Variants in ACOT7 observed in about 807,000 individuals in gnomAD.
ACOT7 encodes acyl-CoA thioesterase 7.
ACOT7 carries 12 observed loss-of-function variants against 40.2 expected under a neutral mutation model. The observed-to-expected ratio is 0.30, with a 90% CI of 0.19 to 0.48. The LOEUF is 0.48. Ranked by LOEUF, ACOT7 falls within the 20% of genes least tolerant of loss-of-function variation. The pLI, the probability that ACOT7 is intolerant of heterozygous loss-of-function variation, is 0.99. For synonymous variants in ACOT7, 228 were observed against 219.5 expected (o/e 1.04, Z -0.34); for missense variants, 395 against 530.8 (o/e 0.74, Z 2.51).
chr1:6,375,132 C>CCGGGCGTGGTGGCGGG (rs1290639431), intron 1 of ACOT7, among the ~76,000 whole-genome samples: 1 of 149,708 alleles, frequency 6.7e-6, no homozygotes, highest in Non-Finnish European at 1.5e-5. Context: ...AAAAAATTAG[C>CCGGGCGTGGTGGCGGG]CGGGCGTGGT....
At chr1:6,304,539 C>A (rs111754163) in intron 6 of ACOT7, among the ~76,000 whole-genome samples, 8 of 132,596 alleles carry the variant, frequency 6.0e-5, no homozygotes, top group Admixed American at 3.0e-4. Flanking sequence ...GAGGACCCTG[C>A]GGCCTTCCGC....
In ACOT7 at chr1:6,330,413, C is replaced by T. The variant is rs927792520; in HGVS notation, c.511-3000G>A. On this transcript the variant is annotated intron_variant, in intron 4 of 8. Transcript: ENST00000361521. This position sits in a 1 kb window ranked among gnomAD's most constrained non-coding sequence, Gnocchi z 4.6. ...GGAGGTTTATACTACGTGGGCCTAG[C>T]GTGTGTTGGGGGGAAGATGGTGCAA... Among the ~76,000 whole-genome samples the T allele has an allele frequency of 4.6e-5, 7 of 152,238 alleles. No individual in the cohort carries two copies. Among genetic ancestry groups the T allele is most frequent in the East Asian group, 1.9e-4 (1 of 5,172 alleles).
intron 2 of ACOT7, among the ~76,000 whole-genome samples, chr1:6,342,806 A>G (rs1285207134): frequency 6.6e-6 from 1 of 152,236 alleles, no homozygotes; most frequent in African/African-American, 2.4e-5. Context: ...AAGGACAAAT[A>G]CTTTTATATA....
chr1:6,306,539 G>C lies in ACOT7; in HGVS notation c.713-11559C>G. 1.0e-6 allele frequency: 1 copy of C among 985,412 alleles called. No homozygotes were observed. Among genetic ancestry groups the C allele is most frequent in the Non-Finnish European group, 1.2e-6 (1 of 829,920 alleles). The allele number at this position is 985,412 out of a possible 1,614,324, so 61.0% of individuals were successfully genotyped here. On this transcript the variant is annotated intron_variant, in intron 6 of 8. Coordinates refer to ENST00000361521, the MANE Select transcript of ACOT7 (RefSeq NM_007274.4). This position sits in a 1 kb window ranked among gnomAD's most constrained non-coding sequence, Gnocchi z 4.3. ...GAAGCATCAGGATGGACGTGAAGCT[G>C]TTCTTCAGAACAGAAGAACCTGGAG...
At chr1:6,346,767 T>C (rs1051618491) in intron 2 of ACOT7, among the ~76,000 whole-genome samples, 2 of 151,980 alleles carry the variant, frequency 1.3e-5, no homozygotes, top group Non-Finnish European at 2.9e-5. Flanking sequence ...AGCAGCACCA[T>C]TGGACCCAAA....
intron 1 of ACOT7, among the ~76,000 whole-genome samples, chr1:6,373,140 C>T (rs562275666): frequency 5.3e-4 from 80 of 152,166 alleles, no homozygotes; most frequent in African/African-American, 1.5e-3. Flanking sequence ...AAAATGATAA[C>T]GAAAAAGTTT....
At chr1:6,374,169 C>T (rs1642183226) in intron 1 of ACOT7, among the ~76,000 whole-genome samples, 1 of 152,342 alleles carries the variant, frequency 6.6e-6, no homozygotes, top group East Asian at 1.9e-4. Flanking sequence ...CACCTGAGGA[C>T]AGAGGCCTGG....
At position 6,331,368 on chromosome 1, in the gene ACOT7, A is replaced by C. The variant is rs1028594917; in HGVS notation, c.510+2109T>G. The stretch of plus-strand genomic sequence containing the variant: ...CGGTAAGCAGGCCGTGCGAAGATGG[A>C]GGCAGAAGCTTCAGTGACGCAGCCT... On this transcript the variant is annotated intron_variant, in intron 4 of 8. Coordinates refer to ENST00000361521, the MANE Select transcript of ACOT7 (RefSeq NM_007274.4). Among the ~76,000 whole-genome samples, 39 of 152,304 alleles carry C rather than the reference A, an allele frequency of 2.6e-4. No homozygotes were observed. The East Asian group carries it at 7.1e-3, about 28-fold the overall frequency.
At chr1:6,293,577 T>C (rs141777887) in intron 7 of ACOT7, among the ~76,000 whole-genome samples, 3,005 of 152,320 alleles carry the variant, frequency 0.02, 41 homozygotes, top group Non-Finnish European at 0.029. Flanking sequence ...GGTGCATGTC[T>C]GTAGTCCTGG....
At chr1:6,291,216 A>C (rs1639653426) in intron 7 of ACOT7, among the ~76,000 whole-genome samples, 1 of 152,186 alleles carries the variant, frequency 6.6e-6, no homozygotes, top group Admixed American at 6.5e-5. Context: ...AGGTATAATT[A>C]AGCAAAAGGT....
At chr1:6,305,202 GTCCCCCCC>G (rs1640101307) in intron 6 of ACOT7, among the ~76,000 whole-genome samples, 1 of 147,978 alleles carries the variant, frequency 6.8e-6, no homozygotes, top group African/African-American at 2.5e-5. Context: ...GCGGGGGGCT[GTCCCCCCC>G]ACATCCTTCC....
At chr1:6,277,024 G>A (rs951722778) in intron 8 of ACOT7, among the ~76,000 whole-genome samples, 5 of 151,990 alleles carry the variant, frequency 3.3e-5, no homozygotes, top group South Asian at 4.2e-4. Context: ...TGGAAGGGGC[G>A]GCCCCAGGAC....
intron 8 of ACOT7, among the ~76,000 whole-genome samples, chr1:6,270,427 C>T (rs1273751477): frequency 3.3e-5 from 5 of 152,172 alleles, no homozygotes; most frequent in African/African-American, 7.2e-5. Context: ...TGCCAGCTGC[C>T]GGGCACCCAC....
In ACOT7 at chr1:6,357,063, C is replaced by T. The variant is rs190230647; in HGVS notation, c.144-7197G>A. Among the ~76,000 whole-genome samples the T allele has an allele frequency of 8.2e-3, 1,248 of 152,036 alleles. 16 individuals are homozygous for T. Among genetic ancestry groups the T allele is most frequent in the Non-Finnish European group, 0.011 (756 of 67,966 alleles). On this transcript the variant is annotated intron_variant, in intron 1 of 8. Transcript: ENST00000361521. ...GACCAACCTGACCAACATGGAGAAA[C>T]CCTGTCTCTACTAAAAATACAAAAT...
chr1:6,326,807 T>C (rs375284974), intron 5 of ACOT7, among the ~76,000 whole-genome samples: 43 of 151,624 alleles, frequency 2.8e-4, no homozygotes, highest in African/African-American at 9.9e-4. Context: ...ATGCCTGTAA[T>C]TGTAATACCA....
rs1639751808 is a variant in ACOT7 at position 6,294,283 on chromosome 1, T to C, written c.829+581A>G. On this transcript the variant is annotated intron_variant, in intron 7 of 8. Coordinates refer to ENST00000361521, the MANE Select transcript of ACOT7 (RefSeq NM_007274.4). The surrounding 1 kb of genome is among the most constrained non-coding windows in gnomAD (Gnocchi z 4.6). The stretch of plus-strand genomic sequence containing the variant: ...AGACAAGCATGGTGACCTCTGCTCA[T>C]ACAAACTGCAGAGGCCTGGCCTGTC... Among the ~76,000 whole-genome samples, 1 of 152,232 alleles carries C rather than the reference T, an allele frequency of 6.6e-6. No homozygotes were observed. The highest frequency in any genetic ancestry group is 6.5e-5 in the Admixed American group (1 of 15,284).
chr1:6,293,422 CA>C (rs968102257), intron 7 of ACOT7, among the ~76,000 whole-genome samples: 1 of 152,226 alleles, frequency 6.6e-6, no homozygotes, highest in African/African-American at 2.4e-5. Context: ...CGAGCTAAAA[CA>C]CAGAGGACCC....
At chr1:6,315,618 G>A (rs61153981) in intron 6 of ACOT7, among the ~76,000 whole-genome samples, 10,588 of 151,888 alleles carry the variant, frequency 0.07, 850 homozygotes, top group African/African-American at 0.2. Context: ...GGGCGTGGTG[G>A]CGGGCACCTG....
At chr1:6,375,380 A>G (rs1194270771) in intron 1 of ACOT7, among the ~76,000 whole-genome samples, 2 of 147,434 alleles carry the variant, frequency 1.4e-5, no homozygotes, top group African/African-American at 5.0e-5. Flanking sequence ...AAACTCAACA[A>G]TAAGAGGCCA....
Sources: allele counts gnomAD v4.1 joint callset (sites outside exome capture counted in the v4.1 genomes callset), GRCh38; gene constraint gnomAD v4.1.1; non-coding constraint Gnocchi (gnomAD v3.1); transcripts MANE v1.5; gene names NCBI Gene and HGNC (gene_info 2026-07-23, HGNC 2026-07-21).